The following LGSN variants were observed in gnomAD, a reference collection of about 807,000 sequenced individuals.
LGSN encodes lengsin.
LGSN carries 21 observed loss-of-function variants against 19.5 expected under a neutral mutation model. The observed-to-expected ratio is 1.07, with a 90% CI of 0.76 to 1.55. The LOEUF (loss-of-function observed/expected upper bound fraction) is 1.55. Among genes scored for constraint, LGSN ranks in the 40% most tolerant of loss-of-function variants. The probability of loss-of-function intolerance (pLI) is 0.00; values close to 1 mark genes in which losing one functional copy is unlikely to be tolerated. For synonymous variants in LGSN, 257 were observed against 215.6 expected, an observed-to-expected ratio of 1.19 and a Z score of -1.68; for missense variants, 673 against 608.5, an observed-to-expected ratio of 1.11 and a Z score of -1.12.
chr6:63,529,185 ATG>A, the LGSN span, among the ~76,000 whole-genome samples: 2 of 147,060 alleles, frequency 1.4e-5, no homozygotes, highest in African/African-American at 5.0e-5. Context: ...ATGTATATAT[ATG>A]TGTGTATATA....
chr6:63,538,085 T>G, the LGSN span, among the ~76,000 whole-genome samples: 4 of 152,246 alleles, frequency 2.6e-5, no homozygotes, highest in Non-Finnish European at 4.4e-5. Context: ...TGGGAAAATT[T>G]TTTAAATTTG....
chr6:63,520,025 G>A, the LGSN span, among the ~76,000 whole-genome samples: 7 of 152,214 alleles, frequency 4.6e-5, no homozygotes, highest in African/African-American at 1.4e-4. Context: ...ATAATTTTTC[G>A]AGGAGCCTCA....
At chr6:63,425,246 C>T in the LGSN span, among the ~76,000 whole-genome samples, 1 of 152,172 alleles carries the variant, frequency 6.6e-6, no homozygotes, top group Non-Finnish European at 1.5e-5. Flanking sequence ...TACTGTACAA[C>T]CCAGCAACTG....
At chr6:63,430,336 A>G in the LGSN span, among the ~76,000 whole-genome samples, 1 of 152,104 alleles carries the variant, frequency 6.6e-6, no homozygotes, top group Non-Finnish European at 1.5e-5. Context: ...TGCTTCATTG[A>G]TATCTTTAAC....
At chr6:63,521,300 A>G in the LGSN span, among the ~76,000 whole-genome samples, 1 of 152,246 alleles carries the variant, frequency 6.6e-6, no homozygotes, top group African/African-American at 2.4e-5. Flanking sequence ...TTGCACAGAA[A>G]ATAATATCTG....
At chr6:63,377,785 G>A in the LGSN span, among the ~76,000 whole-genome samples, 3 of 151,678 alleles carry the variant, frequency 2.0e-5, no homozygotes, top group South Asian at 4.2e-4. Context: ...GTGGTGGTGT[G>A]CGCCTCTAGT....
the LGSN span, among the ~76,000 whole-genome samples, chr6:63,488,912 A>C: frequency 6.6e-6 from 1 of 152,196 alleles, no homozygotes; most frequent in Non-Finnish European, 1.5e-5. Flanking sequence ...AATTTTGAAC[A>C]TACCAAATAA....
the LGSN span, among the ~76,000 whole-genome samples, chr6:63,509,199 G>A: frequency 6.6e-6 from 1 of 151,474 alleles, no homozygotes; most frequent in Admixed American, 6.6e-5. Context: ...TGAGTAGCTG[G>A]GATTACAGGC....
At chr6:63,544,611 C>T in the LGSN span, among the ~76,000 whole-genome samples, 2 of 152,042 alleles carry the variant, frequency 1.3e-5, no homozygotes, top group East Asian at 3.9e-4. Flanking sequence ...TTTCTTTGAT[C>T]TTAATAGTGG....
chr6:63,407,281 T>C, the LGSN span, among the ~76,000 whole-genome samples: 1 of 151,986 alleles, frequency 6.6e-6, no homozygotes, highest in Non-Finnish European at 1.5e-5. Flanking sequence ...AAATCCTCAA[T>C]AAAATACTGG....
At chr6:63,341,061 A>G in the LGSN span, among the ~76,000 whole-genome samples, 10 of 152,314 alleles carry the variant, frequency 6.6e-5, no homozygotes, top group African/African-American at 2.2e-4. Flanking sequence ...CAACATCAGC[A>G]GTGTCTCTGA....
At chr6:63,337,268 G>T in the LGSN span, among the ~76,000 whole-genome samples, 1 of 151,802 alleles carries the variant, frequency 6.6e-6, no homozygotes, top group East Asian at 2.0e-4. Context: ...CAAAAAGCCA[G>T]CCTGGCCAAC....
At chr6:63,470,190 G>A in the LGSN span, among the ~76,000 whole-genome samples, 5 of 152,022 alleles carry the variant, frequency 3.3e-5, no homozygotes, top group East Asian at 1.9e-4. Context: ...ACTTATGGTC[G>A]GGTACAGTAG....
In LGSN at chr6:63,280,904, G is replaced by C. The variant is rs201492975; in HGVS notation, c.647C>G (p.Pro216Arg). 1.1e-5 allele frequency: 17 copies of C among 1,613,896 alleles called. No individual in the cohort carries two copies. In the East Asian group the frequency reaches 3.8e-4, roughly 36 times the overall value. Residue 216 changes from proline (P) to arginine (R), a missense_variant, in exon 4 of 4, where the codon CCC becomes CGC. Pro to Arg is a moderately radical substitution (Grantham distance 103). Transcript: ENST00000370657. ...FIYDFCIFGV[P>R]EILNSKIISF... ...TATAATCTTTGAATTTAAAATTTCG[G>C]GCACACCAAAAATGCAAAAATCATA...
At chr6:63,412,416 A>AAAGAAAGAAAGAAAGAAAGAAAGAG in the LGSN span, among the ~76,000 whole-genome samples, 5 of 97,496 alleles carry the variant, frequency 5.1e-5, no homozygotes, top group African/African-American at 2.0e-4. Flanking sequence ...AGAAAGAAAG[A>AAAGAAAGAAAGAAAGAAAGAAAGAG]AGAAAGAAAG....
At chr6:63,330,771 G>A in the LGSN span, among the ~76,000 whole-genome samples, 2 of 152,296 alleles carry the variant, frequency 1.3e-5, no homozygotes, top group Non-Finnish European at 2.9e-5. Flanking sequence ...CCTTTCTTCA[G>A]CTGTCATTCT....
At chr6:63,552,292 A>T in the LGSN span, among the ~76,000 whole-genome samples, 2 of 152,174 alleles carry the variant, frequency 1.3e-5, no homozygotes, top group Non-Finnish European at 2.9e-5. Flanking sequence ...AGTGATGGTG[A>T]GCATTTTTTC....
the LGSN span, among the ~76,000 whole-genome samples, chr6:63,427,081 T>C: frequency 6.6e-6 from 1 of 151,232 alleles, no homozygotes; most frequent in African/African-American, 2.4e-5. Flanking sequence ...AGAGTTTCTG[T>C]TCTTGTTACC....
At chr6:63,322,167 G>T (rs2127399879), upstream of LGSN, among the ~76,000 whole-genome samples, 2 of 152,254 alleles carry the variant, frequency 1.3e-5, no homozygotes, top group Middle Eastern at 3.4e-3. Flanking sequence ...ATGCAAATTA[G>T]GTAAAGGATT....
Sources: gnomAD v4.1 joint callset for allele counts (sites outside exome capture counted in the v4.1 genomes callset) on GRCh38, gnomAD v4.1.1 for gene constraint, MANE v1.5 for transcripts, NCBI Gene and HGNC (gene_info 2026-07-23, HGNC 2026-07-21) for gene names.